Variants in DGKD observed in about 807,000 individuals in gnomAD.
The protein encoded by DGKD is DAG kinase delta.
A neutral mutation model predicts 154.4 loss-of-function variants in DGKD; 68 were observed. The ratio of observed to expected loss-of-function variants is 0.44; its 90% CI spans 0.36 to 0.54. DGKD has a LOEUF of 0.54. Ranked by LOEUF, DGKD falls within the 20% of genes least tolerant of loss-of-function variation. The pLI, the probability that DGKD is intolerant of heterozygous loss-of-function variation, is 0.00. For synonymous variants in DGKD, 693 were observed against 638.0 expected, an observed-to-expected ratio of 1.09 and a Z score of -1.30; for missense variants, 1,343 against 1,593.6, an observed-to-expected ratio of 0.84 and a Z score of 2.68.
intron 3 of DGKD, among the ~76,000 whole-genome samples, chr2:233,415,870 C>T (rs1198192182): frequency 6.6e-6 from 1 of 152,172 alleles, no homozygotes; most frequent in Non-Finnish European, 1.5e-5. Context: ...AAGGGATCCT[C>T]CTGCTTTGGC....
chr2:233,457,668 A>T lies in DGKD; in HGVS notation c.2580+340A>T, dbSNP rs2063503863. 4.5e-6 allele frequency: 2 copies of T among 447,974 alleles called. No individual in the cohort carries two copies. The highest frequency in any genetic ancestry group is 2.0e-5 in the African/African-American group (1 of 50,362). 27.7% of individuals were successfully genotyped at this position (447,974 alleles called of 1,614,324 possible). A position where few individuals can be genotyped will look rare whatever the true frequency, so the allele number is the denominator to read the frequency against. On this transcript the variant is annotated intron_variant, in intron 21 of 29. Transcript: ENST00000264057. The surrounding 1 kb of genome is among the most constrained non-coding windows in gnomAD (Gnocchi z 5.5). ...AGTTAGGTGGGCAGAGGAGAGGGGG[A>T]GGCTGTTCCAGGCAGAGAGAATTGC...
At chr2:233,364,076 C>T (rs555051326) in intron 1 of DGKD, among the ~76,000 whole-genome samples, 70 of 152,232 alleles carry the variant, frequency 4.6e-4, no homozygotes, top group East Asian at 9.7e-4. Flanking sequence ...GGCAACAGAG[C>T]GAGACTTTGC....
At position 233,378,342 on chromosome 2, in the gene DGKD, G is replaced by A. The variant is rs369186556; in HGVS notation, c.157-9915G>A. ...CGGGAGAATTGCTTGAACTGGGGAG[G>A]CAGAGGTTGCAGTGAGCCGAGATTG... On this transcript the variant is annotated intron_variant, in intron 1 of 29. Coordinates refer to ENST00000264057, the MANE Select transcript of DGKD (RefSeq NM_152879.3). Among the ~76,000 whole-genome samples the A allele has an allele frequency of 1.3e-4, 20 of 151,652 alleles. No homozygotes were observed. In the East Asian group the frequency reaches 3.7e-3, roughly 28 times the overall value.
intron 1 of DGKD, among the ~76,000 whole-genome samples, chr2:233,387,394 C>G (rs1703256174): frequency 1.3e-5 from 2 of 152,128 alleles, no homozygotes; most frequent in Non-Finnish European, 2.9e-5. Flanking sequence ...TGTGCGAACG[C>G]CGAGAGCCAG....
chr2:233,375,821 C>T (rs1307513457), intron 1 of DGKD, among the ~76,000 whole-genome samples: 1 of 152,158 alleles, frequency 6.6e-6, no homozygotes, highest in South Asian at 2.1e-4. Context: ...CATCTGTCTC[C>T]ACCCCCTACC....
At chr2:233,360,984 G>GT (rs10580286) in intron 1 of DGKD, among the ~76,000 whole-genome samples, 228 of 129,046 alleles carry the variant, frequency 1.8e-3, no homozygotes, top group East Asian at 3.1e-3. Context: ...AGACAGTCAA[G>GT]TTTTTTTTTT....
At chr2:233,356,184 C>G (rs184465464) in intron 1 of DGKD, among the ~76,000 whole-genome samples, 1 of 152,202 alleles carries the variant, frequency 6.6e-6, no homozygotes, top group Admixed American at 6.5e-5. Context: ...TAAGAAATGG[C>G]CTTCTACATA....
intron 3 of DGKD, among the ~76,000 whole-genome samples, chr2:233,404,999 G>A (rs2061648853): frequency 6.6e-6 from 1 of 152,200 alleles, no homozygotes; most frequent in Non-Finnish European, 1.5e-5. Context: ...TATCATGTAA[G>A]AACAGAGTGA....
Position 233,457,101 on chromosome 2 carries a change from G to T in DGKD, c.2472+106G>T. The T allele has an allele frequency of 7.6e-7, 1 of 1,311,192 alleles. No homozygotes were observed. Among genetic ancestry groups the T allele is most frequent in the Non-Finnish European group, 1.1e-6 (1 of 913,606 alleles). The allele number at this position is 1,311,192 out of a possible 1,614,324, so 81.2% of individuals were successfully genotyped here. A position where few individuals can be genotyped will look rare whatever the true frequency, so the allele number is the denominator to read the frequency against. On this transcript the variant is annotated intron_variant, in intron 20 of 29. Transcript: ENST00000264057. The surrounding 1 kb of genome is among the most constrained non-coding windows in gnomAD (Gnocchi z 5.5). ...CCATTTCCTCCATGCACAGGGACTT[G>T]CCTGGGGATGCCCTGGCCACGGCTG...
intron 1 of DGKD, among the ~76,000 whole-genome samples, chr2:233,360,594 C>G (rs950565778): frequency 3.3e-5 from 5 of 151,946 alleles, no homozygotes; most frequent in Non-Finnish European, 7.4e-5. Context: ...TTGCTATATT[C>G]CCCAGGCTGG....
At position 233,354,876 on chromosome 2, in the gene DGKD, G is replaced by C. The variant is rs1701467894; in HGVS notation, c.156+202G>C. 6.9e-6 allele frequency among the ~76,000 whole-genome samples: 1 copy of C among 145,132 alleles called. No homozygotes were observed. The highest frequency in any genetic ancestry group is 2.5e-5 in the African/African-American group (1 of 40,486). ...GCGGAGCGCGCGGCCCCCGACGGAC[G>C]GCGGGCGGCTGTGGGGCCGGGCGGG... On this transcript the variant is annotated intron_variant, in intron 1 of 29. Transcript: ENST00000264057. This position sits in a 1 kb window ranked among gnomAD's most constrained non-coding sequence, Gnocchi z 4.8.
chr2:233,436,885 C>T (rs993186063), intron 7 of DGKD, among the ~76,000 whole-genome samples: 1 of 152,176 alleles, frequency 6.6e-6, no homozygotes, highest in East Asian at 1.9e-4. Flanking sequence ...TGGGTCTCAT[C>T]GTTGCTCTGG....
intron 1 of DGKD, among the ~76,000 whole-genome samples, chr2:233,375,251 AC>A (rs1180740309): frequency 2.0e-5 from 3 of 152,130 alleles, no homozygotes; most frequent in African/African-American, 4.8e-5. Context: ...AGATCGTGCC[AC>A]CGCGCTCCAG....
In DGKD at chr2:233,354,623, C is replaced by G; in HGVS notation, c.105C>G (p.Ser35=). The stretch of plus-strand genomic sequence containing the variant: ...GCGAGCCCGAGGCGGAGCCCGGCTC[C>G]CCACAGAAGCTCATCCGCAAGGTGT... ...SDSEPEAEPG[S]PQKLIRKVST... is the part of the protein sequence containing the mutation. Residue 35 remains serine (S), a synonymous_variant, in exon 1 of 30, where the codon TCC becomes TCG. Transcript: ENST00000264057. This position sits in a 1 kb window ranked among gnomAD's most constrained non-coding sequence, Gnocchi z 4.8. 8.9e-7 allele frequency: 1 copy of G among 1,123,346 alleles called. No homozygotes were observed. Among genetic ancestry groups the G allele is most frequent in the East Asian group, 8.6e-5 (1 of 11,578 alleles). 69.6% of individuals were successfully genotyped at this position (1,123,346 alleles called of 1,614,324 possible). A position where few individuals can be genotyped will look rare whatever the true frequency, so the allele number is the denominator to read the frequency against.
Position 233,445,540 on chromosome 2 carries a change from TG to T in DGKD, c.1195-78del, listed in dbSNP as rs2063037091. 1 of 1,503,350 alleles carries T rather than the reference TG, an allele frequency of 6.7e-7. No individual in the cohort carries two copies. Among genetic ancestry groups the T allele is most frequent in the Non-Finnish European group, 8.9e-7 (1 of 1,123,638 alleles). 93.1% of individuals were successfully genotyped at this position (1,503,350 alleles called of 1,614,324 possible). A position where few individuals can be genotyped will look rare whatever the true frequency, so the allele number is the denominator to read the frequency against. ...CACATTGCTAACGTAACCCTCACGG[TG>T]GGGGACAAGGAGGGCTGCGGGCTGG... On this transcript the variant is annotated intron_variant, in intron 10 of 29. Coordinates refer to ENST00000264057, the MANE Select transcript of DGKD (RefSeq NM_152879.3). The surrounding 1 kb of genome is among the most constrained non-coding windows in gnomAD (Gnocchi z 5.5).
At chr2:233,387,070 G>A (rs1241557268) in intron 1 of DGKD, among the ~76,000 whole-genome samples, 1 of 152,248 alleles carries the variant, frequency 6.6e-6, no homozygotes, top group Non-Finnish European at 1.5e-5. Flanking sequence ...GTGAATGCCG[G>A]TGGATGGAAC....
In DGKD at chr2:233,457,355, C is replaced by A; in HGVS notation, c.2580+27C>A. 1.3e-6 allele frequency: 2 copies of A among 1,526,512 alleles called. No homozygotes were observed. The highest frequency in any genetic ancestry group is 1.8e-6 in the Non-Finnish European group (2 of 1,110,162). The allele number at this position is 1,526,512 out of a possible 1,614,324, so 94.6% of individuals were successfully genotyped here. A position where few individuals can be genotyped will look rare whatever the true frequency, so the allele number is the denominator to read the frequency against. The stretch of plus-strand genomic sequence containing the variant: ...TATGTATGGGGTGTGAGCGGGTGGG[C>A]CTGAGCTCAGTGGGGAAGAGCTGTC... On this transcript the variant is annotated intron_variant, in intron 21 of 29. Coordinates refer to ENST00000264057, the MANE Select transcript of DGKD (RefSeq NM_152879.3). This position sits in a 1 kb window ranked among gnomAD's most constrained non-coding sequence, Gnocchi z 5.5.
chr2:233,425,073 C>A (rs1178817614), intron 3 of DGKD, among the ~76,000 whole-genome samples: 1 of 152,074 alleles, frequency 6.6e-6, no homozygotes, highest in Non-Finnish European at 1.5e-5. Flanking sequence ...TTTCTCATTT[C>A]TCTTGGAAAA....
chr2:233,426,575 C>T (rs1575097364), intron 3 of DGKD, among the ~76,000 whole-genome samples: 1 of 152,092 alleles, frequency 6.6e-6, no homozygotes, highest in South Asian at 2.1e-4. Context: ...GAGTATATGT[C>T]GTCTTGTGTC....
Sources: gnomAD v4.1 joint callset for allele counts (sites outside exome capture counted in the v4.1 genomes callset) on GRCh38, gnomAD v4.1.1 for gene constraint, Gnocchi (gnomAD v3.1) non-coding constraint, MANE v1.5 for transcripts, NCBI Gene and HGNC (gene_info 2026-07-23, HGNC 2026-07-21) for gene names.